Variants in CTNNA2 observed in about 807,000 individuals in gnomAD.
CTNNA2 encodes catenin alpha-2.
In CTNNA2, 42 loss-of-function variants were observed where a neutral mutation model predicts 101.0. The observed-to-expected ratio is 0.42, with a 90% CI of 0.32 to 0.54. CTNNA2 has a LOEUF of 0.54. CTNNA2 is among the 20% of genes least tolerant of loss of function. The probability of loss-of-function intolerance (pLI) is 0.14; values close to 1 mark genes in which losing one functional copy is unlikely to be tolerated. For missense variants in CTNNA2, 871 were observed against 1,223.1 expected (o/e 0.71, Z 4.29); for synonymous variants, 450 against 456.4 (o/e 0.99, Z 0.18).
intron 7 of CTNNA2, among the ~76,000 whole-genome samples, chr2:79,910,202 C>T (rs1685689087): frequency 6.6e-6 from 1 of 152,074 alleles, no homozygotes; most frequent in African/African-American, 2.4e-5. Context: ...CGAATCTTCA[C>T]CCCTAAGAGG....
intron 4 of CTNNA2, among the ~76,000 whole-genome samples, chr2:79,382,925 A>C (rs1263783522): frequency 6.6e-6 from 1 of 152,174 alleles, no homozygotes; most frequent in Admixed American, 6.5e-5. Context: ...TAAACTATTA[A>C]ATTTTAATAA....
chr2:79,274,792 A>G (rs1477680457), intron 2 of CTNNA2, among the ~76,000 whole-genome samples: 1 of 152,102 alleles, frequency 6.6e-6, no homozygotes, highest in Admixed American at 6.6e-5. Flanking sequence ...TTTCAAATAT[A>G]TGATAATTTA....
chr2:79,864,946 A>G (rs1681915776), intron 4 of CTNNA2, among the ~76,000 whole-genome samples: 1 of 152,208 alleles, frequency 6.6e-6, no homozygotes, highest in Non-Finnish European at 1.5e-5. Flanking sequence ...ACTAAATAAG[A>G]TAGACGTAAG....
chr2:80,543,130 AACAT>A (rs1231194304), intron 9 of CTNNA2, among the ~76,000 whole-genome samples: 4 of 152,242 alleles, frequency 2.6e-5, no homozygotes, highest in East Asian at 1.9e-4. Context: ...TTATTAAATA[AACAT>A]GTACAAAACA....
chr2:80,355,987 A>G (rs1165015951), intron 7 of CTNNA2, among the ~76,000 whole-genome samples: 1 of 152,014 alleles, frequency 6.6e-6, no homozygotes, highest in South Asian at 2.1e-4. Context: ...TCACTCTTCA[A>G]AATAATCACT....
intron 1 of CTNNA2, among the ~76,000 whole-genome samples, chr2:79,515,202 T>G (rs1409081672): frequency 6.6e-6 from 1 of 152,214 alleles, no homozygotes; most frequent in Non-Finnish European, 1.5e-5. Context: ...CAGATTGCAG[T>G]CAACCCTGTG....
intron 12 of CTNNA2, among the ~76,000 whole-genome samples, chr2:80,571,034 C>A (rs1043722851): frequency 2.0e-5 from 3 of 152,074 alleles, no homozygotes; most frequent in South Asian, 2.1e-4. Flanking sequence ...TGGCAAAAAC[C>A]GCATTTATTT....
chr2:79,764,394 A>G (rs550828775), intron 3 of CTNNA2, among the ~76,000 whole-genome samples: 1 of 152,218 alleles, frequency 6.6e-6, no homozygotes, highest in Non-Finnish European at 1.5e-5. Flanking sequence ...TAATAAAAAT[A>G]TATTTTGTTT....
Position 80,608,266 on chromosome 2 carries a change from G to A in CTNNA2, c.2378G>A (p.Ser793Asn). The A allele has an allele frequency of 6.2e-7, 1 of 1,611,026 alleles. No homozygotes were observed. Among genetic ancestry groups the A allele is most frequent in the Non-Finnish European group, 8.5e-7 (1 of 1,177,954 alleles). ...TATTGCCATCAGCTTAATATCTGCAGCAAGGTGAAGGCAGAAGTGCAGAAT... is the reference window on the plus strand; with the variant it reads ...TATTGCCATCAGCTTAATATCTGCAACAAGGTGAAGGCAGAAGTGCAGAAT... Reference protein sequence around the residue: ...ALYCHQLNICSKVKAEVQNLG... With the variant: ...ALYCHQLNICNKVKAEVQNLG... The change falls in exon 17 of 19, where the codon AGC becomes AAC. Residue 793 changes from serine to asparagine, a missense_variant. Around this residue, in one of 5 missense-constraint regions of CTNNA2, gnomAD observed 93 missense variants for 223.7 expected, o/e 0.42. Coordinates refer to ENST00000402739, the MANE Select transcript of CTNNA2 (RefSeq NM_001282597.3).
chr2:79,619,305 G>A (rs930609143), intron 1 of CTNNA2, among the ~76,000 whole-genome samples: 2 of 152,066 alleles, frequency 1.3e-5, no homozygotes, highest in Admixed American at 1.3e-4. Flanking sequence ...GAAAGAAGAA[G>A]GGCACTGCAG....
intron 9 of CTNNA2, among the ~76,000 whole-genome samples, chr2:80,496,393 GT>G (rs1687469307): frequency 1.6e-5 from 2 of 121,708 alleles, no homozygotes; most frequent in African/African-American, 6.8e-5. Flanking sequence ...CTTCTTCACT[GT>G]CTTTTTTTTT....
intron 9 of CTNNA2, among the ~76,000 whole-genome samples, chr2:80,477,605 G>C (rs11682291): frequency 0.37 from 56,312 of 151,714 alleles, 11,706 homozygotes; most frequent in East Asian, 0.67. Context: ...GAGAACATGT[G>C]GTATTTGATT....
chr2:80,498,985 G>A (rs1687669340), intron 9 of CTNNA2, among the ~76,000 whole-genome samples: 1 of 152,132 alleles, frequency 6.6e-6, no homozygotes, highest in African/African-American at 2.4e-5. Context: ...TAAAATAAAG[G>A]TGTCTATCAA....
intron 3 of CTNNA2, among the ~76,000 whole-genome samples, chr2:79,837,847 A>C: frequency 6.6e-6 from 1 of 152,176 alleles, no homozygotes; most frequent in East Asian, 1.9e-4. Context: ...ACAACTCCAA[A>C]AGATCTATAA....
Position 79,201,986 on chromosome 2 carries a change from A to G in CTNNA2, c.-406+3910A>G, listed in dbSNP as rs189704099. ...AGATGTACACTAGTTCAGTCCGGTAATATGGGACAACTTGAAGTGGGAGCT... is the reference window on the plus strand; with the variant it reads ...AGATGTACACTAGTTCAGTCCGGTAGTATGGGACAACTTGAAGTGGGAGCT... On this transcript the variant is annotated intron_variant, in intron 2 of 21. Coordinates refer to the CTNNA2 transcript ENST00000466387. Among the ~76,000 whole-genome samples, 17 of 152,312 alleles carry G rather than the reference A, an allele frequency of 1.1e-4. 1 individual carries two copies. Among genetic ancestry groups the G allele is most frequent in the African/African-American group, 4.1e-4 (17 of 41,570 alleles).
At chr2:79,778,614 T>G (rs959551633) in intron 3 of CTNNA2, among the ~76,000 whole-genome samples, 5 of 152,128 alleles carry the variant, frequency 3.3e-5, no homozygotes, top group African/African-American at 1.2e-4. Flanking sequence ...TACACACATA[T>G]ATACACACGT....
intron 7 of CTNNA2, among the ~76,000 whole-genome samples, chr2:79,986,214 GCCTTTAATGAGCTGAA>G (rs1375868886): frequency 6.6e-6 from 1 of 152,134 alleles, no homozygotes; most frequent in East Asian, 1.9e-4. Flanking sequence ...CTGCTAAGAT[GCCTTTAATGAGCTGAA>G]TAGTGGAATG....
rs1278915845 is a variant in CTNNA2 at position 79,874,197 on chromosome 2, C to T, written c.707C>T (p.Thr236Met). 1.9e-6 allele frequency: 3 copies of T among 1,614,136 alleles called. No homozygotes were observed. Among genetic ancestry groups the T allele is most frequent in the Admixed American group, 1.7e-5 (1 of 60,022 alleles). ...CTCCGCCACCCAGATGTCGCCGCTA[C>T]GAGAGCCAACCGAGATTATGTGTTC... ...AFLRHPDVAA[T>M]RANRDYVFKQ... Residue 236 changes from threonine (T) to methionine (M), a missense_variant, in exon 6 of 19, where the codon ACG becomes ATG. Thr to Met is a moderately conservative substitution (Grantham distance 81, BLOSUM62 -1). This residue lies in a region of CTNNA2 where 647 missense variants were observed against 831.5 expected (regional missense o/e 0.78). Coordinates refer to ENST00000402739, the MANE Select transcript of CTNNA2 (RefSeq NM_001282597.3).
chr2:80,064,156 C>T (rs1697808436), intron 7 of CTNNA2, among the ~76,000 whole-genome samples: 1 of 152,224 alleles, frequency 6.6e-6, no homozygotes, highest in Non-Finnish European at 1.5e-5. Flanking sequence ...TGCAGCCTTC[C>T]TCATTCTAAG....
Sources: gnomAD v4.1 joint callset for allele counts (sites outside exome capture counted in the v4.1 genomes callset) on GRCh38, gnomAD v4.1.1 for gene constraint, gnomAD v4.1.1 regional missense constraint, MANE v1.5 for transcripts, NCBI Gene and HGNC (gene_info 2026-07-23, HGNC 2026-07-21) for gene names.